The following KLHDC1 variants were observed in gnomAD, a reference collection of about 807,000 sequenced individuals.
The protein encoded by KLHDC1 is kelch domain-containing protein 1.
KLHDC1 carries 53 observed loss-of-function variants against 68.3 expected under a neutral mutation model. The observed-to-expected ratio is 0.78, with a 90% CI of 0.62 to 0.98. KLHDC1 has a LOEUF of 0.98. Among genes scored for constraint, KLHDC1 ranks in the 50% least tolerant of loss-of-function variants. KLHDC1 has a pLI of 0.00. For missense variants in KLHDC1, 470 were observed against 492.3 expected (o/e 0.95, Z 0.43); for synonymous variants, 148 against 159.0 (o/e 0.93, Z 0.52).
chr14:49,716,232 T>A (rs182147835), intron 4 of KLHDC1, among the ~76,000 whole-genome samples: 3 of 152,288 alleles, frequency 2.0e-5, no homozygotes, highest in Non-Finnish European at 4.4e-5. Flanking sequence ...GTTTTCTGCC[T>A]TTGTTTTTCC....
rs1865128396 is a variant in KLHDC1 at position 49,753,001 on chromosome 14, A to G, written c.*1229A>G. 6.6e-6 allele frequency: 1 copy of G among 152,046 alleles called. No individual in the cohort carries two copies. The highest frequency in any genetic ancestry group is 2.1e-4 in the South Asian group (1 of 4,828). 9.4% of individuals were successfully genotyped at this position (152,046 alleles called of 1,614,324 possible). A position where few individuals can be genotyped will look rare whatever the true frequency, so the allele number is the denominator to read the frequency against. On this transcript the variant is annotated 3_prime_UTR_variant, in exon 13 of 13. Coordinates refer to ENST00000359332, the MANE Select transcript of KLHDC1 (RefSeq NM_172193.3). The stretch of plus-strand genomic sequence containing the variant: ...GTATTTCATTGAATTTTAGAGAGAT[A>G]TTTCATATATATGTACTGTATTTTG...
At chr14:49,715,544 C>T (rs903452480) in intron 4 of KLHDC1, among the ~76,000 whole-genome samples, 7 of 150,620 alleles carry the variant, frequency 4.6e-5, no homozygotes, top group African/African-American at 2.4e-5. Context: ...GTCAGGAGTT[C>T]GAGACCAGCC....
At chr14:49,708,411 A>G (rs1039801754) in intron 1 of KLHDC1, 4 of 152,226 alleles carry the variant, frequency 2.6e-5, no homozygotes, top group Admixed American at 2.0e-4. Context: ...TTTTTGAACT[A>G]TTATATAGAT....
At chr14:49,740,583 C>T (rs1889042328) in intron 11 of KLHDC1, among the ~76,000 whole-genome samples, 2 of 152,024 alleles carry the variant, frequency 1.3e-5, no homozygotes, top group South Asian at 4.2e-4. Flanking sequence ...TCGTGATCCG[C>T]CCGCCTCAGC....
intron 1 of KLHDC1, among the ~76,000 whole-genome samples, chr14:49,696,534 T>G (rs949902372): frequency 1.3e-5 from 2 of 152,170 alleles, no homozygotes; most frequent in African/African-American, 4.8e-5. Context: ...AAACTCATGT[T>G]AGCTTCAAAC....
intron 4 of KLHDC1, among the ~76,000 whole-genome samples, chr14:49,722,747 C>A (rs1566608618): frequency 6.6e-6 from 1 of 151,690 alleles, no homozygotes; most frequent in African/African-American, 2.4e-5. Flanking sequence ...TCTCACATGG[C>A]AACAGATAAG....
At position 49,709,270 on chromosome 14, in the gene KLHDC1, T is replaced by G. The variant is rs773059471; in HGVS notation, c.167+41T>G. ...TTGCATACTGTCTGATCTTAATATC[T>G]ATTATAAATGTTTCTGTAGACTCTA... is the stretch of plus-strand genomic sequence containing the variant. On this transcript the variant is annotated intron_variant, in intron 2 of 12. Transcript: ENST00000359332. 3.6e-6 allele frequency: 3 copies of G among 845,066 alleles called. No homozygotes were observed. In the South Asian group the frequency reaches 4.9e-5, roughly 14 times the overall value. 52.3% of individuals were successfully genotyped at this position (845,066 alleles called of 1,614,324 possible).
Position 49,720,320 on chromosome 14 carries a change from A to G in KLHDC1, c.405-3554A>G, listed in dbSNP as rs1218914304. ...TTTTTGTAGGGATGGGGATCTCACT[A>G]TGTTGCCCAGGCAGACCTGAAACTC... is the stretch of plus-strand genomic sequence containing the variant. On this transcript the variant is annotated intron_variant, in intron 4 of 12. Transcript: ENST00000359332. Among the ~76,000 whole-genome samples the G allele has an allele frequency of 6.6e-5, 10 of 151,708 alleles. No individual in the cohort carries two copies. The South Asian group carries it at 2.1e-3, about 32-fold the overall frequency.
chr14:49,703,350 T>A (rs915052761), intron 1 of KLHDC1, among the ~76,000 whole-genome samples: 7 of 152,016 alleles, frequency 4.6e-5, no homozygotes, highest in African/African-American at 1.7e-4. Context: ...ATGAATTTTT[T>A]TTTTTTTTTG....
At chr14:49,706,867 T>C (rs1220893841) in intron 1 of KLHDC1, among the ~76,000 whole-genome samples, 1 of 152,044 alleles carries the variant, frequency 6.6e-6, no homozygotes, top group Non-Finnish European at 1.5e-5. Flanking sequence ...GAGCTCCTTA[T>C]ATATTCTGGT....
At chr14:49,739,136 C>G (rs1268188101) in intron 10 of KLHDC1, among the ~76,000 whole-genome samples, 1 of 152,074 alleles carries the variant, frequency 6.6e-6, no homozygotes, top group Non-Finnish European at 1.5e-5. Flanking sequence ...TGGAATACTT[C>G]CTGGGTGTTT....
At chr14:49,722,636 T>C (rs1461940610) in intron 4 of KLHDC1, among the ~76,000 whole-genome samples, 1 of 152,230 alleles carries the variant, frequency 6.6e-6, no homozygotes, top group Non-Finnish European at 1.5e-5. Context: ...GATAATGACA[T>C]ACCAAAGACT....
At chr14:49,733,509 C>G (rs1172503924) in intron 9 of KLHDC1, among the ~76,000 whole-genome samples, 3 of 150,510 alleles carry the variant, frequency 2.0e-5, no homozygotes, top group Non-Finnish European at 3.0e-5. Context: ...CTCACTGCAA[C>G]CTCCACCTCC....
At chr14:49,747,866 G>A (rs1889236069) in intron 12 of KLHDC1, among the ~76,000 whole-genome samples, 1 of 152,286 alleles carries the variant, frequency 6.6e-6, no homozygotes, top group South Asian at 2.1e-4. Flanking sequence ...GTGCAGAAAG[G>A]AGATGACTGG....
At chr14:49,742,814 G>A (rs1889096775) in intron 11 of KLHDC1, among the ~76,000 whole-genome samples, 1 of 152,110 alleles carries the variant, frequency 6.6e-6, no homozygotes, top group South Asian at 2.1e-4. Flanking sequence ...GCCAGGCGTG[G>A]TGGCTCATAC....
At chr14:49,745,944 A>G (rs1889189025) in intron 12 of KLHDC1, among the ~76,000 whole-genome samples, 1 of 152,230 alleles carries the variant, frequency 6.6e-6, no homozygotes, top group Admixed American at 6.5e-5. Context: ...AACAGAGTGG[A>G]CGAAAAATTG....
chr14:49,743,269 G>A (rs1048839216), intron 11 of KLHDC1, among the ~76,000 whole-genome samples: 1 of 151,082 alleles, frequency 6.6e-6, no homozygotes, highest in Non-Finnish European at 1.5e-5. Context: ...GCATGGTAGT[G>A]GGCGCCTGTA....
chr14:49,726,819 C>T (rs547792362), intron 6 of KLHDC1, among the ~76,000 whole-genome samples: 2 of 152,336 alleles, frequency 1.3e-5, no homozygotes, highest in East Asian at 3.9e-4. Context: ...TTTCTGTCTG[C>T]TTTTCTCTGC....
At chr14:49,710,471 T>G in intron 4 of KLHDC1, 90 bp downstream of exon 4, 1 of 683,262 alleles carries the variant, frequency 1.5e-6, no homozygotes, top group Non-Finnish European at 2.6e-6. Flanking sequence ...AGGTATGAGT[T>G]TTTTTCAGGA....
Sources: allele counts gnomAD v4.1 joint callset (sites outside exome capture counted in the v4.1 genomes callset), GRCh38; gene constraint gnomAD v4.1.1; transcripts MANE v1.5; gene names NCBI Gene and HGNC (gene_info 2026-07-23, HGNC 2026-07-21).